The following BTC variants were observed in gnomAD, a reference collection of about 807,000 sequenced individuals.
The protein encoded by BTC is probetacellulin.
BTC carries 13 observed loss-of-function variants against 18.1 expected under a neutral mutation model. That is an observed-to-expected ratio of 0.72 (90% CI 0.47 to 1.14). The LOEUF (loss-of-function observed/expected upper bound fraction) is 1.14, where lower values mean the gene tolerates loss of function less well. BTC is among the 50% of genes most tolerant of loss of function. BTC has a pLI of 0.00. For missense variants in BTC, 247 were observed against 224.2 expected, an observed-to-expected ratio of 1.10 and a Z score of -0.65; for synonymous variants, 83 against 79.4, an observed-to-expected ratio of 1.05 and a Z score of -0.24.
chr4:74,787,046 T>C (rs1725497592), intron 1 of BTC, among the ~76,000 whole-genome samples: 1 of 152,124 alleles, frequency 6.6e-6, no homozygotes, highest in African/African-American at 2.4e-5. Context: ...CATTCATTCA[T>C]TCATTTAATT....
intron 2 of BTC, among the ~76,000 whole-genome samples, chr4:74,768,937 A>G (rs1000057924): frequency 6.6e-6 from 1 of 152,144 alleles, no homozygotes; most frequent in East Asian, 1.9e-4. Flanking sequence ...TTCTGCCTAC[A>G]TGGATGACAA....
Position 74,774,086 on chromosome 4 carries a change from T to C in BTC, c.65-3930A>G, listed in dbSNP as rs1725116984. On this transcript the variant is annotated intron_variant, in intron 1 of 5. Coordinates refer to ENST00000395743, the MANE Select transcript of BTC (RefSeq NM_001729.4). ...TTTTAAAAGCATCAGTTAATAACTT[T>C]TACAAAAACAAAAAAAGTGTAAGCA... Among the ~76,000 whole-genome samples, 6 of 152,198 alleles carry C rather than the reference T, an allele frequency of 3.9e-5. 1 individual carries two copies. The South Asian group carries it at 1.0e-3, about 26-fold the overall frequency.
At chr4:74,782,876 G>T (rs1465002528) in intron 1 of BTC, among the ~76,000 whole-genome samples, 1 of 152,100 alleles carries the variant, frequency 6.6e-6, no homozygotes, top group East Asian at 1.9e-4. Context: ...TTTTTCATGT[G>T]TTTCTTGGCC....
Position 74,757,924 on chromosome 4 carries a change from T to C in BTC, c.164-1948A>G, listed in dbSNP as rs544556810. On this transcript the variant is annotated intron_variant, in intron 2 of 5. Transcript: ENST00000395743. ...GAGAGGTGCAGATACAAAGGATATG[T>C]AGAAGTTCATAGCAGAATTCCTGGG... Among the ~76,000 whole-genome samples, 13 of 152,332 alleles carry C rather than the reference T, an allele frequency of 8.5e-5. No homozygotes were observed. The South Asian group carries it at 2.1e-3, about 24-fold the overall frequency.
At chr4:74,746,812 A>G (rs2109873492) in intron 5 of BTC, 137 bp from the exon 6 acceptor site, 1 of 152,364 alleles carries the variant, frequency 6.6e-6, no homozygotes, top group South Asian at 2.1e-4. Context: ...AGGAGCACAT[A>G]TAATTTCTCG....
intron 2 of BTC, among the ~76,000 whole-genome samples, chr4:74,769,200 C>A (rs1443237213): frequency 1.3e-5 from 2 of 152,124 alleles, no homozygotes; most frequent in Non-Finnish European, 2.9e-5. Context: ...CTCTACTGCA[C>A]CCCACTTTTT....
chr4:74,764,536 T>TA (rs1455992115), intron 2 of BTC, among the ~76,000 whole-genome samples: 4 of 152,040 alleles, frequency 2.6e-5, no homozygotes, highest in Non-Finnish European at 5.9e-5. Flanking sequence ...TAGAGAGACA[T>TA]AAAAAACCAC....
rs558461214 is a variant in BTC at position 74,751,361 on chromosome 4, C to T, written c.282-642G>A. Among the ~76,000 whole-genome samples, 10 of 152,164 alleles carry T rather than the reference C, an allele frequency of 6.6e-5. No homozygotes were observed. The South Asian group carries it at 1.5e-3, about 22-fold the overall frequency. ...CATGCCCTTCTATTACTCTTCTGTTCGCCGCCTCCTTCATTACATCCCTGC... is the reference window on the plus strand; with the variant it reads ...CATGCCCTTCTATTACTCTTCTGTTTGCCGCCTCCTTCATTACATCCCTGC... On this transcript the variant is annotated intron_variant, in intron 3 of 5. Transcript: ENST00000395743.
chr4:74,756,487 A>T (rs1222050426), intron 2 of BTC, among the ~76,000 whole-genome samples: 2 of 152,206 alleles, frequency 1.3e-5, no homozygotes, highest in African/African-American at 4.8e-5. Flanking sequence ...CAATTTACGG[A>T]TGCACAAAGC....
At chr4:74,785,015 T>C in intron 1 of BTC, among the ~76,000 whole-genome samples, 1 of 152,180 alleles carries the variant, frequency 6.6e-6, no homozygotes, top group East Asian at 1.9e-4. Flanking sequence ...AAGTCTTCTT[T>C]GTACCTCTGG....
chr4:74,780,823 C>A (rs1269791642), intron 1 of BTC, among the ~76,000 whole-genome samples: 1 of 151,268 alleles, frequency 6.6e-6, no homozygotes, highest in Non-Finnish European at 1.5e-5. Flanking sequence ...TTTAAAAATT[C>A]TTCGTTATTG....
intron 3 of BTC, among the ~76,000 whole-genome samples, chr4:74,751,021 G>A (rs1553956117): frequency 6.6e-6 from 1 of 152,046 alleles, no homozygotes; most frequent in East Asian, 1.9e-4. Flanking sequence ...AAGGAAAGGA[G>A]GATAAAATTC....
intron 1 of BTC, among the ~76,000 whole-genome samples, chr4:74,783,749 C>G (rs1472260596): frequency 6.6e-6 from 1 of 152,066 alleles, no homozygotes; most frequent in Non-Finnish European, 1.5e-5. Context: ...TGTCCATGAG[C>G]ATGGAATGTT....
chr4:74,760,743 T>C (rs782422740), intron 2 of BTC, among the ~76,000 whole-genome samples: 24 of 151,466 alleles, frequency 1.6e-4, no homozygotes, highest in Non-Finnish European at 2.1e-4. Context: ...CATTTTTTTT[T>C]TTTTTTTTTG....
At chr4:74,768,196 A>C (rs556057836) in intron 2 of BTC, among the ~76,000 whole-genome samples, 5 of 152,126 alleles carry the variant, frequency 3.3e-5, no homozygotes, top group Non-Finnish European at 7.4e-5. Context: ...GCACTATACA[A>C]AACATATTGA....
rs1031545547 is a variant in BTC at position 74,781,380 on chromosome 4, G to A, written c.65-11224C>T. Among the ~76,000 whole-genome samples, 5 of 122,976 alleles carry A rather than the reference G, an allele frequency of 4.1e-5. No individual in the cohort carries two copies. In the East Asian group the frequency reaches 6.1e-4, roughly 15 times the overall value. The allele number at this position is 122,976 out of a possible 152,430, so 80.7% of individuals were successfully genotyped here. A position where few individuals can be genotyped will look rare whatever the true frequency, so the allele number is the denominator to read the frequency against. ...CCACAACCCCAATTTCTATTCTCTC[G>A]TCACGTGTGTGTGTGTGTGTGTGTG... On this transcript the variant is annotated intron_variant, in intron 1 of 5. Transcript: ENST00000395743.
chr4:74,764,588 C>A (rs1724848062), intron 2 of BTC, among the ~76,000 whole-genome samples: 2 of 152,110 alleles, frequency 1.3e-5, no homozygotes, highest in Non-Finnish European at 2.9e-5. Flanking sequence ...CAGAGCCCAT[C>A]AACCAATGAA....
intron 3 of BTC, among the ~76,000 whole-genome samples, chr4:74,753,502 T>C (rs1223243011): frequency 6.6e-6 from 1 of 152,194 alleles, no homozygotes; most frequent in Non-Finnish European, 1.5e-5. Flanking sequence ...ACTGTCCCTT[T>C]TCAAAGGAAA....
At chr4:74,775,019 C>T (rs1201970406) in intron 1 of BTC, among the ~76,000 whole-genome samples, 5 of 151,942 alleles carry the variant, frequency 3.3e-5, no homozygotes, top group African/African-American at 4.8e-5. Flanking sequence ...CAGAGTTTAC[C>T]GCTTGGATAA....
Sources: gnomAD v4.1 joint callset for allele counts (sites outside exome capture counted in the v4.1 genomes callset) on GRCh38, gnomAD v4.1.1 for gene constraint, MANE v1.5 for transcripts, NCBI Gene and HGNC (gene_info 2026-07-23, HGNC 2026-07-21) for gene names.